SMAP1: variants seen among roughly 807,000 people sequenced by gnomAD.
The protein encoded by SMAP1 is small ArfGAP 1, also known as stromal membrane-associated protein 1.
A neutral mutation model predicts 58.5 loss-of-function variants in SMAP1; 24 were observed. The ratio of observed to expected loss-of-function variants is 0.41; its 90% CI spans 0.30 to 0.58. SMAP1 has a LOEUF of 0.58. Among genes scored for constraint, SMAP1 ranks in the 20% least tolerant of loss-of-function variants. SMAP1 has a pLI of 0.29. For missense variants in SMAP1, 563 were observed against 566.3 expected, an observed-to-expected ratio of 0.99 and a Z score of 0.06; for synonymous variants, 216 against 196.6, an observed-to-expected ratio of 1.10 and a Z score of -0.82.
chr6:70,813,238 C>T (rs1319773546), intron 6 of SMAP1, among the ~76,000 whole-genome samples: 2 of 151,994 alleles, frequency 1.3e-5, no homozygotes, highest in African/African-American at 4.8e-5. Context: ...ATGTCACAGG[C>T]TTCTGGAGAG....
intron 1 of SMAP1, among the ~76,000 whole-genome samples, chr6:70,690,836 A>ATAGTATTC (rs1767134885): frequency 6.6e-6 from 1 of 151,756 alleles, no homozygotes. Flanking sequence ...AATGAATTAG[A>ATAGTATTC]TAGTATTCTC....
At chr6:70,750,281 A>G (rs1174868984) in intron 2 of SMAP1, among the ~76,000 whole-genome samples, 1 of 152,206 alleles carries the variant, frequency 6.6e-6, no homozygotes, top group Non-Finnish European at 1.5e-5. Context: ...ATCTCCTATT[A>G]CATTTGCTTG....
chr6:70,822,494 T>G (rs565306794), intron 6 of SMAP1, among the ~76,000 whole-genome samples: 54 of 152,324 alleles, frequency 3.5e-4, no homozygotes, highest in Admixed American at 1.1e-3. Context: ...ATATGCTATA[T>G]GGCTTTTCAG....
At chr6:70,694,512 A>T (rs1233189054) in intron 1 of SMAP1, 1 of 152,994 alleles carries the variant, frequency 6.5e-6, no homozygotes, top group Non-Finnish European at 1.5e-5. Context: ...ACCTAGAAGA[A>T]GTTGTTGAAA....
At chr6:70,811,093 A>C (rs1354698501) in intron 6 of SMAP1, among the ~76,000 whole-genome samples, 1 of 152,138 alleles carries the variant, frequency 6.6e-6, no homozygotes, top group East Asian at 1.9e-4. Context: ...AAATATTAAC[A>C]AACTACTAAA....
chr6:70,821,577 T>G (rs1307616928), intron 6 of SMAP1, among the ~76,000 whole-genome samples: 1 of 152,194 alleles, frequency 6.6e-6, no homozygotes, highest in Non-Finnish European at 1.5e-5. Flanking sequence ...AAATATTGAC[T>G]ACTACGTGAA....
intron 3 of SMAP1, among the ~76,000 whole-genome samples, chr6:70,769,354 T>C (rs1447185191): frequency 1.3e-5 from 2 of 152,320 alleles, no homozygotes; most frequent in East Asian, 3.9e-4. Flanking sequence ...AGTGGGGTGT[T>C]AAAGTCTCCC....
intron 2 of SMAP1, among the ~76,000 whole-genome samples, chr6:70,736,466 G>A (rs2149867353): frequency 6.6e-6 from 1 of 151,870 alleles, no homozygotes; most frequent in East Asian, 1.9e-4. Context: ...TTGTTTTATA[G>A]CAGTATCAAA....
At chr6:70,765,860 G>C (rs1284200921) in intron 3 of SMAP1, among the ~76,000 whole-genome samples, 1 of 151,478 alleles carries the variant, frequency 6.6e-6, no homozygotes, top group African/African-American at 2.4e-5. Flanking sequence ...TCGTCATTTA[G>C]CATTAGGTAT....
chr6:70,756,328 A>T (rs1037957632), intron 3 of SMAP1, among the ~76,000 whole-genome samples: 1 of 152,056 alleles, frequency 6.6e-6, no homozygotes, highest in South Asian at 2.1e-4. Flanking sequence ...ATAGGTCATT[A>T]TATGTTTATT....
chr6:70,791,778 A>G lies in SMAP1; in HGVS notation c.495+9A>G, dbSNP rs377558692. On this transcript the variant is annotated intron_variant, in intron 5 of 10. Transcript: ENST00000370455. Reference sequence around the variant, plus strand: ...ACAAAAATAAATTGGAGGTATGGTCATGTTTTAACCAGCTACATTATGTAG... The same window carrying G: ...ACAAAAATAAATTGGAGGTATGGTCGTGTTTTAACCAGCTACATTATGTAG... 6.2e-7 allele frequency: 1 copy of G among 1,609,380 alleles called. No homozygotes were observed. Among genetic ancestry groups the G allele is most frequent in the Non-Finnish European group, 8.5e-7 (1 of 1,176,202 alleles).
chr6:70,793,027 T>A (rs889679834), intron 5 of SMAP1, among the ~76,000 whole-genome samples: 33 of 151,508 alleles, frequency 2.2e-4, no homozygotes, highest in Non-Finnish European at 4.4e-4. Flanking sequence ...AATTTTTAAA[T>A]TTTATTTTAT....
chr6:70,708,406 A>C lies in SMAP1; in HGVS notation c.119-23972A>C, dbSNP rs186160053. 2.6e-5 allele frequency among the ~76,000 whole-genome samples: 4 copies of C among 152,240 alleles called. No homozygotes were observed. The East Asian group carries it at 7.7e-4, about 29-fold the overall frequency. ...CACTTAGGTCATTTCCATCTTAACTATTGGGAAAAAATGCTGCAATGAACA... is the reference window on the plus strand; with the variant it reads ...CACTTAGGTCATTTCCATCTTAACTCTTGGGAAAAAATGCTGCAATGAACA... On this transcript the variant is annotated intron_variant, in intron 1 of 10. Coordinates refer to ENST00000370455, the MANE Select transcript of SMAP1 (RefSeq NM_001044305.3).
At chr6:70,812,378 T>C (rs1023935368) in intron 6 of SMAP1, among the ~76,000 whole-genome samples, 1 of 152,224 alleles carries the variant, frequency 6.6e-6, no homozygotes, top group African/African-American at 2.4e-5. Flanking sequence ...TGATTAGAAT[T>C]ATCTGCATTT....
chr6:70,766,675 A>T (rs184259773), intron 3 of SMAP1, among the ~76,000 whole-genome samples: 2,983 of 151,766 alleles, frequency 0.02, 107 homozygotes, highest in African/African-American at 0.069. Flanking sequence ...GGTTGCAAAA[A>T]TTTTCTCCCA....
rs1448031026 is a variant in SMAP1 at position 70,836,933 on chromosome 6, C to T, written c.577-8C>T. ...AAAAATTAATAAATCCAATTATTTA[C>T]TTTAAAGCTGCAGAAGAAAGATCAG... On this transcript the variant is annotated splice_polypyrimidine_tract_variant and splice_region_variant and intron_variant, in intron 6 of 10. Coordinates refer to ENST00000370455, the MANE Select transcript of SMAP1 (RefSeq NM_001044305.3). 6.4e-7 allele frequency: 1 copy of T among 1,560,324 alleles called. No homozygotes were observed. Among genetic ancestry groups the T allele is most frequent in the South Asian group, 1.3e-5 (1 of 79,642 alleles).
intron 1 of SMAP1, among the ~76,000 whole-genome samples, chr6:70,700,196 G>A (rs756350494): frequency 4.1e-4 from 63 of 152,156 alleles, no homozygotes; most frequent in Non-Finnish European, 7.3e-4. Context: ...TGGCCTGCAA[G>A]CACCTGCTTC....
At chr6:70,753,454 T>C (rs1582116314) in intron 2 of SMAP1, among the ~76,000 whole-genome samples, 1 of 152,178 alleles carries the variant, frequency 6.6e-6, no homozygotes, top group Non-Finnish European at 1.5e-5. Context: ...GTCTTTATGA[T>C]TACATAACTT....
At chr6:70,801,966 T>A (rs992651294) in intron 6 of SMAP1, among the ~76,000 whole-genome samples, 1 of 152,236 alleles carries the variant, frequency 6.6e-6, no homozygotes, top group Non-Finnish European at 1.5e-5. Context: ...CCAGCTTTGT[T>A]CTTTTTGCTT....
Sources: gnomAD v4.1 joint callset for allele counts (sites outside exome capture counted in the v4.1 genomes callset) on GRCh38, gnomAD v4.1.1 for gene constraint, MANE v1.5 for transcripts, NCBI Gene and HGNC (gene_info 2026-07-23, HGNC 2026-07-21) for gene names.